SLCO3A1: variants seen among roughly 807,000 people sequenced by gnomAD.
The protein encoded by SLCO3A1 is solute carrier organic anion transporter family member 3A1.
A neutral mutation model predicts 63.1 loss-of-function variants in SLCO3A1; 27 were observed. The ratio of observed to expected loss-of-function variants is 0.43; its 90% CI spans 0.32 to 0.59. SLCO3A1 has a LOEUF of 0.59. SLCO3A1 is among the 20% of genes least tolerant of loss of function. The probability of loss-of-function intolerance (pLI) is 0.09; values close to 1 mark genes in which losing one functional copy is unlikely to be tolerated. For missense variants in SLCO3A1, 773 were observed against 945.8 expected, an observed-to-expected ratio of 0.82 and a Z score of 2.40; for synonymous variants, 473 against 409.9, an observed-to-expected ratio of 1.15 and a Z score of -1.86.
At chr15:92,120,336 T>G (rs1360987104) in intron 4 of SLCO3A1, 129 bp from the exon 5 acceptor site, 4 of 927,350 alleles carry the variant, frequency 4.3e-6, no homozygotes. Context: ...AGCAACTGGG[T>G]ACCTCTGGAT....
chr15:92,004,017 T>C (rs2046285336), intron 2 of SLCO3A1, among the ~76,000 whole-genome samples: 1 of 152,224 alleles, frequency 6.6e-6, no homozygotes, highest in Non-Finnish European at 1.5e-5. Context: ...CAAAATAGGT[T>C]GGTGCCTTAT....
At chr15:92,102,209 A>G (rs989302201) in intron 3 of SLCO3A1, among the ~76,000 whole-genome samples, 1 of 152,174 alleles carries the variant, frequency 6.6e-6, no homozygotes, top group African/African-American at 2.4e-5. Flanking sequence ...GAAGAAACAC[A>G]GTAAGTGACT....
chr15:91,984,520 G>T (rs1426280129), intron 2 of SLCO3A1, among the ~76,000 whole-genome samples: 1 of 152,126 alleles, frequency 6.6e-6, no homozygotes, highest in Non-Finnish European at 1.5e-5. Flanking sequence ...CATCGGTAAA[G>T]GTTGTGATAA....
chr15:92,075,858 T>C (rs148557841), intron 2 of SLCO3A1, among the ~76,000 whole-genome samples: 61 of 152,302 alleles, frequency 4.0e-4, no homozygotes, highest in Admixed American at 1.2e-3. Flanking sequence ...CCCTCTCTCA[T>C]ATAGTGAGTG....
chr15:92,121,310 G>A (rs1170999914), intron 5 of SLCO3A1, among the ~76,000 whole-genome samples: 1 of 152,200 alleles, frequency 6.6e-6, no homozygotes, highest in Non-Finnish European at 1.5e-5. Context: ...ACAGGAAGCT[G>A]CATTTGTTGA....
chr15:92,127,637 T>C (rs1004310925), intron 6 of SLCO3A1, among the ~76,000 whole-genome samples: 5 of 152,190 alleles, frequency 3.3e-5, no homozygotes, highest in African/African-American at 1.2e-4. Flanking sequence ...AGACATTTCC[T>C]CTCTTATAGA....
At chr15:92,044,741 C>A (rs2046839771) in intron 2 of SLCO3A1, among the ~76,000 whole-genome samples, 1 of 152,134 alleles carries the variant, frequency 6.6e-6, no homozygotes, top group South Asian at 2.1e-4. Flanking sequence ...TGCATCAAGT[C>A]CAGCCTGTCT....
intron 6 of SLCO3A1, among the ~76,000 whole-genome samples, chr15:92,126,523 A>G (rs1186372332): frequency 2.0e-5 from 3 of 152,222 alleles, no homozygotes; most frequent in Non-Finnish European, 4.4e-5. Context: ...GATTTTTGGC[A>G]TTTGACTTTA....
At chr15:92,154,362 C>T (rs763146378) in intron 9 of SLCO3A1, among the ~76,000 whole-genome samples, 8 of 152,270 alleles carry the variant, frequency 5.3e-5, no homozygotes, top group Non-Finnish European at 1.0e-4. Context: ...TGTAGACCAG[C>T]GCTCTCCAGT....
At chr15:92,062,119 G>A (rs570360369) in intron 2 of SLCO3A1, among the ~76,000 whole-genome samples, 1 of 152,358 alleles carries the variant, frequency 6.6e-6, no homozygotes, top group South Asian at 2.1e-4. Flanking sequence ...AAATCCAACT[G>A]AGGAAGACCT....
At chr15:91,944,971 G>A (rs1899754260) in intron 2 of SLCO3A1, among the ~76,000 whole-genome samples, 1 of 152,130 alleles carries the variant, frequency 6.6e-6, no homozygotes, top group South Asian at 2.1e-4. Flanking sequence ...GAGGACTCAG[G>A]CCCTAATTGA....
downstream of SLCO3A1, among the ~76,000 whole-genome samples, chr15:92,166,257 T>C (rs561190128): frequency 2.0e-4 from 31 of 152,260 alleles, no homozygotes; most frequent in African/African-American, 7.5e-4. Flanking sequence ...TCCTCACAGC[T>C]AGCGAAGGAG....
intron 2 of SLCO3A1, among the ~76,000 whole-genome samples, chr15:92,041,675 T>C (rs1423695329): frequency 6.6e-6 from 1 of 152,134 alleles, no homozygotes; most frequent in African/African-American, 2.4e-5. Context: ...CTTCCACTTA[T>C]TTAGAGCCTG....
intron 2 of SLCO3A1, among the ~76,000 whole-genome samples, chr15:92,036,766 C>T (rs2151484175): frequency 6.6e-6 from 1 of 152,276 alleles, no homozygotes. Context: ...TAATTTCTTA[C>T]CTTATACTGT....
intron 2 of SLCO3A1, among the ~76,000 whole-genome samples, chr15:92,006,363 C>A (rs2046313004): frequency 6.6e-6 from 1 of 152,126 alleles, no homozygotes; most frequent in African/African-American, 2.4e-5. Context: ...CCAGATTGAC[C>A]TTTGTTAGAA....
chr15:92,099,298 C>T (rs992608304), intron 3 of SLCO3A1, among the ~76,000 whole-genome samples: 22 of 152,178 alleles, frequency 1.4e-4, no homozygotes, highest in African/African-American at 4.8e-4. Flanking sequence ...CCAATGGCTG[C>T]GATTCTAGAT....
chr15:92,146,663 A>T (rs143632520), intron 7 of SLCO3A1, among the ~76,000 whole-genome samples: 1 of 152,336 alleles, frequency 6.6e-6, no homozygotes, highest in African/African-American at 2.4e-5. Context: ...ACGTTTTATC[A>T]TATTGTGGAA....
Position 91,942,575 on chromosome 15 carries a change from ATGTTTGTT to A in SLCO3A1, c.646+26135_646+26142del, listed in dbSNP as rs111293532. On this transcript the variant is annotated intron_variant, in intron 2 of 9. Transcript: ENST00000318445. This position sits in a 1 kb window ranked among gnomAD's most constrained non-coding sequence, Gnocchi z 4.1. Reference sequence around the variant, plus strand: ...TGCAACAGAACTCTGCTGGAAATGTATGTTTGTTTGTTTGTTTGTTTGTTTCGAGACCG... The same window carrying A: ...TGCAACAGAACTCTGCTGGAAATGTATGTTTGTTTGTTTGTTTCGAGACCG... 4.6e-5 allele frequency among the ~76,000 whole-genome samples: 7 copies of A among 151,814 alleles called. No homozygotes were observed. Among genetic ancestry groups the A allele is most frequent in the East Asian group, 1.9e-4 (1 of 5,154 alleles).
intron 1 of SLCO3A1, among the ~76,000 whole-genome samples, chr15:91,891,343 C>T (rs1897865913): frequency 6.6e-6 from 1 of 152,196 alleles, no homozygotes; most frequent in Admixed American, 6.5e-5. Flanking sequence ...CCAGGGCAGC[C>T]TGCACCCAAT....
Sources: gnomAD v4.1 joint callset for allele counts (sites outside exome capture counted in the v4.1 genomes callset) on GRCh38, gnomAD v4.1.1 for gene constraint, Gnocchi (gnomAD v3.1) non-coding constraint, MANE v1.5 for transcripts, NCBI Gene and HGNC (gene_info 2026-07-23, HGNC 2026-07-21) for gene names.